MAP4: variants seen among roughly 807,000 people sequenced by gnomAD.
MAP4 encodes microtubule associated protein 4.
A neutral mutation model predicts 170.2 loss-of-function variants in MAP4; 76 were observed. That is an observed-to-expected ratio of 0.45 (90% CI 0.37 to 0.54). The LOEUF (loss-of-function observed/expected upper bound fraction) is 0.54. Ranked by LOEUF, MAP4 falls within the 20% of genes least tolerant of loss-of-function variation. MAP4 has a pLI of 0.00. For synonymous variants in MAP4, 909 were observed against 994.5 expected (o/e 0.91, Z 1.62); for missense variants, 2,506 against 2,748.0 (o/e 0.91, Z 1.97).
intron 3 of MAP4, among the ~76,000 whole-genome samples, chr3:47,959,964 G>C (rs894621766): frequency 1.3e-5 from 2 of 151,964 alleles, no homozygotes; most frequent in African/African-American, 2.4e-5. Flanking sequence ...CTGGGTTCAA[G>C]CAATTCTCCT....
intron 2 of MAP4, among the ~76,000 whole-genome samples, chr3:47,998,180 C>T (rs1007688488): frequency 1.3e-5 from 2 of 152,136 alleles, no homozygotes; most frequent in Non-Finnish European, 2.9e-5. Context: ...AATACTCAGC[C>T]AATTATTAGC....
At chr3:47,940,781 C>T (rs1402116463) in intron 3 of MAP4, among the ~76,000 whole-genome samples, 2 of 152,174 alleles carry the variant, frequency 1.3e-5, no homozygotes, top group African/African-American at 2.4e-5. Flanking sequence ...TGCAAACAAC[C>T]TTTAAGAAAC....
chr3:48,046,196 T>C, intron 1 of MAP4, among the ~76,000 whole-genome samples: 1 of 152,144 alleles, frequency 6.6e-6, no homozygotes, highest in East Asian at 1.9e-4. Context: ...AACTTTCATC[T>C]TTTTCGGCCA....
intron 3 of MAP4, among the ~76,000 whole-genome samples, chr3:47,966,228 C>CTTTTTTTTTTTTTTTTT (rs757460367): frequency 4.0e-5 from 2 of 50,220 alleles, no homozygotes; most frequent in Non-Finnish European, 7.3e-5. Context: ...CCCACACTAC[C>CTTTTTTTTTTTTTTTTT]TTTTTTTTTT....
At position 47,911,737 on chromosome 3, in the gene MAP4, A is replaced by G. The variant is rs1032432206; in HGVS notation, c.2684T>C (p.Leu895Ser). The G allele has an allele frequency of 5.9e-6, 9 of 1,536,022 alleles. No homozygotes were observed. The highest frequency in any genetic ancestry group is 1.4e-5 in the African/African-American group (1 of 73,114). ...TGGTTTGTATTCATGTTGCTTCAGC[A>G]ATTTCTTGTCTTGGTTTTGTAGTAC... is the stretch of plus-strand genomic sequence containing the variant. ...KSVLQNQDKK[L>S]LKQHEYKPQP... The change falls in exon 9 of 21, where the codon TTG becomes TCG. Residue 895 changes from leucine (L) to serine (S), a missense_variant. Physicochemically the swap from Leu to Ser is moderately radical, Grantham distance 145. Coordinates refer to ENST00000683076, the MANE Select transcript of MAP4 (RefSeq NM_001385682.1). This position sits in a 1 kb window ranked among gnomAD's most constrained non-coding sequence, Gnocchi z 4.0.
intron 3 of MAP4, among the ~76,000 whole-genome samples, chr3:47,953,651 G>A (rs183462262): frequency 6.6e-6 from 1 of 152,314 alleles, no homozygotes; most frequent in Admixed American, 6.5e-5. Context: ...TGTTGGAATG[G>A]ATTTTTCATG....
chr3:48,011,948 G>A (rs560277646), intron 1 of MAP4, among the ~76,000 whole-genome samples: 15 of 152,140 alleles, frequency 9.9e-5, no homozygotes, highest in Non-Finnish European at 1.9e-4. Context: ...AGACAGGGGC[G>A]GGTCCTCAGT....
At position 47,877,505 on chromosome 3, in the gene MAP4, T is replaced by C; in HGVS notation, c.5453A>G (p.Glu1818Gly). The change falls in exon 11 of 21, where the codon GAA (glutamate) becomes GGA (glycine). Residue 1818 changes from glutamate to glycine, a missense_variant. Glu to Gly is a moderately conservative substitution (Grantham distance 98). Coordinates refer to ENST00000683076, the MANE Select transcript of MAP4 (RefSeq NM_001385682.1). Reference sequence around the variant, plus strand: ...TGTCCCACTCACCACAGGCCTTCCTTCTTCTGGCCTGGCTATTCCTAAGGG... The same window carrying C: ...TGTCCCACTCACCACAGGCCTTCCTCCTTCTGGCCTGGCTATTCCTAAGGG... Reference protein sequence around the residue: ...MSVYGIARPEEGRPVVSGTGN... With the variant: ...MSVYGIARPEGGRPVVSGTGN... 6.2e-7 allele frequency: 1 copy of C among 1,613,290 alleles called. No individual in the cohort carries two copies. Among genetic ancestry groups the C allele is most frequent in the Non-Finnish European group, 8.5e-7 (1 of 1,179,388 alleles).
At chr3:47,949,091 A>G (rs917059381) in intron 3 of MAP4, among the ~76,000 whole-genome samples, 11 of 152,190 alleles carry the variant, frequency 7.2e-5, no homozygotes, top group African/African-American at 2.7e-4. Flanking sequence ...TTGAGCTGTA[A>G]TCACTTATTC....
At chr3:47,863,245 G>C (rs1467834619) in intron 17 of MAP4, among the ~76,000 whole-genome samples, 1 of 152,196 alleles carries the variant, frequency 6.6e-6, no homozygotes, top group African/African-American at 2.4e-5. Context: ...CACAGTGCTG[G>C]GATTACAGGC....
At chr3:48,087,830 C>T (rs140652726) in intron 1 of MAP4, among the ~76,000 whole-genome samples, 53 of 152,084 alleles carry the variant, frequency 3.5e-4, no homozygotes, top group Non-Finnish European at 6.0e-4. Flanking sequence ...TCGAGAGGCC[C>T]TGGGGAGCAA....
At position 47,972,885 on chromosome 3, in the gene MAP4, C is replaced by CA. The variant is rs551078890; in HGVS notation, c.292+4979dup. ...TGGGCGACAGAGCGAGACTCCGTCT[C>CA]AAAAAAAAAAAAGAAAAAAGAAAAA... is the stretch of plus-strand genomic sequence containing the variant. On this transcript the variant is annotated intron_variant, in intron 3 of 20. Transcript: ENST00000683076. Among the ~76,000 whole-genome samples the CA allele has an allele frequency of 7.2e-3, 653 of 90,610 alleles. 7 individuals carry two copies. Among genetic ancestry groups the CA allele is most frequent in the South Asian group, 0.055 (170 of 3,102 alleles). 59.4% of individuals were successfully genotyped at this position (90,610 alleles called of 152,430 possible).
chr3:47,897,690 G>A (rs2100027650), intron 10 of MAP4, among the ~76,000 whole-genome samples: 2 of 152,024 alleles, frequency 1.3e-5, no homozygotes, highest in Admixed American at 1.3e-4. Context: ...TGTAATCTCA[G>A]TACTTTGGGA....
intron 3 of MAP4, among the ~76,000 whole-genome samples, chr3:47,975,895 T>C (rs993144258): frequency 8.6e-5 from 13 of 151,886 alleles, no homozygotes; most frequent in African/African-American, 2.7e-4. Flanking sequence ...GTTCAAGCGA[T>C]TCTTCTGCCT....
intron 1 of MAP4, among the ~76,000 whole-genome samples, chr3:48,032,012 C>T (rs560556178): frequency 1.3e-5 from 2 of 152,170 alleles, no homozygotes; most frequent in South Asian, 4.1e-4. Flanking sequence ...AAAGCATAAC[C>T]TCTGTCTAAT....
chr3:48,072,761 C>T (rs1290227949), intron 1 of MAP4, among the ~76,000 whole-genome samples: 1 of 152,118 alleles, frequency 6.6e-6, no homozygotes, highest in Non-Finnish European at 1.5e-5. Flanking sequence ...TACAATATCC[C>T]ACTTCCCTTC....
intron 3 of MAP4, among the ~76,000 whole-genome samples, chr3:47,958,856 G>A (rs1222560044): frequency 6.6e-6 from 1 of 151,942 alleles, no homozygotes; most frequent in Non-Finnish European, 1.5e-5. Flanking sequence ...GCTAATTTTT[G>A]TATTTTTAGT....
chr3:48,083,693 T>C (rs538592918), intron 1 of MAP4, among the ~76,000 whole-genome samples: 20 of 149,940 alleles, frequency 1.3e-4, no homozygotes, highest in African/African-American at 4.7e-4. Flanking sequence ...TATTTAAATA[T>C]ATGCAAACTA....
chr3:47,860,653 C>T (rs868859973), intron 17 of MAP4, among the ~76,000 whole-genome samples: 11 of 152,110 alleles, frequency 7.2e-5, no homozygotes, highest in Non-Finnish European at 1.2e-4. Flanking sequence ...AGTCTTACCA[C>T]GGCATATGCC....
Sources: allele counts gnomAD v4.1 joint callset (sites outside exome capture counted in the v4.1 genomes callset), GRCh38; gene constraint gnomAD v4.1.1; non-coding constraint Gnocchi (gnomAD v3.1); transcripts MANE v1.5; gene names NCBI Gene and HGNC (gene_info 2026-07-23, HGNC 2026-07-21).